Variants in SV2C observed in about 807,000 individuals in gnomAD.
SV2C encodes the protein solute carrier family 22 member B3.
Under a neutral mutation model 79.7 loss-of-function variants are expected in SV2C, and 49 were observed. That is an observed-to-expected ratio of 0.61 (90% CI 0.49 to 0.78). The LOEUF is 0.78. SV2C is among the 30% of genes least tolerant of loss of function. The probability of loss-of-function intolerance (pLI) is 0.00; values close to 1 mark genes in which losing one functional copy is unlikely to be tolerated. For synonymous variants in SV2C, 334 were observed against 333.2 expected (o/e 1.00, Z -0.03); for missense variants, 833 against 912.9 (o/e 0.91, Z 1.13).
intron 12 of SV2C, among the ~76,000 whole-genome samples, chr5:76,340,741 A>G (rs1257424781): frequency 6.6e-6 from 1 of 152,148 alleles, no homozygotes; most frequent in Non-Finnish European, 1.5e-5. Flanking sequence ...AACTACTAAG[A>G]TTGCAAATTT....
At chr5:75,916,391 C>T in the SV2C span, among the ~76,000 whole-genome samples, 1 of 142,150 alleles carries the variant, frequency 7.0e-6, no homozygotes, top group Non-Finnish European at 1.5e-5. Flanking sequence ...TCCCCTTCCC[C>T]TTCCCCTTCC....
At chr5:75,969,026 T>A in the SV2C span, among the ~76,000 whole-genome samples, 3 of 152,200 alleles carry the variant, frequency 2.0e-5, no homozygotes, top group Non-Finnish European at 2.9e-5. Context: ...ATATTCAACA[T>A]TCTTAAACAA....
At chr5:76,090,732 C>T (rs912164699) in intron 1 of SV2C, among the ~76,000 whole-genome samples, 2 of 152,168 alleles carry the variant, frequency 1.3e-5, no homozygotes, top group African/African-American at 4.8e-5. Flanking sequence ...TTCTAAGATG[C>T]TATCTCTTCC....
At chr5:75,873,702 G>C in the SV2C span, among the ~76,000 whole-genome samples, 1 of 151,940 alleles carries the variant, frequency 6.6e-6, no homozygotes, top group Non-Finnish European at 1.5e-5. Context: ...AATTGTTTTT[G>C]TGCAACTAGA....
chr5:75,901,898 C>T, the SV2C span, among the ~76,000 whole-genome samples: 7,657 of 152,246 alleles, frequency 0.05, 624 homozygotes, highest in African/African-American at 0.17. Flanking sequence ...AAGCCAGGTG[C>T]GGGATATAAT....
intron 3 of SV2C, among the ~76,000 whole-genome samples, chr5:76,209,339 G>A (rs1273040255): frequency 6.6e-6 from 1 of 152,158 alleles, no homozygotes; most frequent in Non-Finnish European, 1.5e-5. Context: ...ATGGGACATG[G>A]CACAGCATCA....
intron 10 of SV2C, among the ~76,000 whole-genome samples, chr5:76,300,236 A>T (rs1029148813): frequency 4.7e-5 from 7 of 150,372 alleles, no homozygotes; most frequent in Non-Finnish European, 1.0e-4. Context: ...GCTAGTCTTG[A>T]ACTCCTGGCT....
chr5:76,113,541 C>G (rs1748162304), intron 1 of SV2C, among the ~76,000 whole-genome samples: 1 of 152,212 alleles, frequency 6.6e-6, no homozygotes, highest in Non-Finnish European at 1.5e-5. Context: ...ATTCTGACTT[C>G]CCTTGTGACT....
chr5:76,188,898 T>A (rs187492573), intron 2 of SV2C, among the ~76,000 whole-genome samples: 3 of 151,894 alleles, frequency 2.0e-5, no homozygotes, highest in Non-Finnish European at 4.4e-5. Flanking sequence ...GCCAACCATT[T>A]TGGGGTTCCA....
At chr5:76,285,417 A>G in intron 5 of SV2C, 122 bp downstream of exon 5, 1 of 1,409,984 alleles carries the variant, frequency 7.1e-7, no homozygotes. Flanking sequence ...TTATAGAATG[A>G]TGGAGGGTTT....
At chr5:76,062,608 G>T in the SV2C span, among the ~76,000 whole-genome samples, 144 of 151,442 alleles carry the variant, frequency 9.5e-4, 1 homozygote, top group African/African-American at 3.1e-3. Flanking sequence ...TCGATATCAG[G>T]GTTTGGTTGT....
At chr5:75,991,584 TAC>T in the SV2C span, among the ~76,000 whole-genome samples, 6 of 79,972 alleles carry the variant, frequency 7.5e-5, no homozygotes, top group Admixed American at 1.3e-4. Flanking sequence ...TATATATATA[TAC>T]ACACATATAT....
rs1423099 is a variant in SV2C at position 76,131,693 on chromosome 5, C to T, written c.-58C>T. On this transcript the variant is annotated 5_prime_UTR_variant, in exon 2 of 13. Coordinates refer to ENST00000502798, the MANE Select transcript of SV2C (RefSeq NM_014979.4). ...GTGGATGATGCTGTCAGAGCTGAAC[C>T]ACTGAAAGGAGGCTGTGAAAATTTC... The T allele has an allele frequency of 0.7, 1,021,067 of 1,459,018 alleles. 373,495 individuals carry two copies. Among genetic ancestry groups the T allele is most frequent in the Non-Finnish European group, 0.76 (820,762 of 1,075,244 alleles). The allele number at this position is 1,459,018 out of a possible 1,614,324, so 90.4% of individuals were successfully genotyped here.
chr5:75,970,101 A>C, the SV2C span, among the ~76,000 whole-genome samples: 1 of 152,158 alleles, frequency 6.6e-6, no homozygotes, highest in Non-Finnish European at 1.5e-5. Context: ...TGAAGGCAGA[A>C]ATAAAGATGT....
intron 1 of SV2C, among the ~76,000 whole-genome samples, chr5:76,108,156 G>A (rs549347806): frequency 9.0e-4 from 137 of 152,332 alleles, no homozygotes; most frequent in African/African-American, 3.1e-3. Flanking sequence ...TTGACAGAGA[G>A]TGGGGAATCA....
the SV2C span, among the ~76,000 whole-genome samples, chr5:75,981,806 A>C: frequency 2.0e-5 from 3 of 152,138 alleles, no homozygotes; most frequent in Non-Finnish European, 4.4e-5. Context: ...ACATAGGCAC[A>C]GGCAAAGATT....
the SV2C span, among the ~76,000 whole-genome samples, chr5:75,884,149 A>C: frequency 6.6e-6 from 1 of 152,154 alleles, no homozygotes; most frequent in Non-Finnish European, 1.5e-5. Context: ...TAACCCTGTG[A>C]ACTAACCATG....
At chr5:76,145,725 CCCTTT>C (rs1395605733) in intron 2 of SV2C, among the ~76,000 whole-genome samples, 1 of 152,192 alleles carries the variant, frequency 6.6e-6, no homozygotes, top group Admixed American at 6.5e-5. Context: ...GGTCCTTTTA[CCCTTT>C]CCTAATGACT....
At chr5:76,037,297 T>A in the SV2C span, among the ~76,000 whole-genome samples, 275 of 152,386 alleles carry the variant, frequency 1.8e-3, 1 homozygote, top group Middle Eastern at 3.4e-3. Context: ...AGGAACTTCG[T>A]TCCTTTGGAG....
Sources: allele counts gnomAD v4.1 joint callset (sites outside exome capture counted in the v4.1 genomes callset), GRCh38; gene constraint gnomAD v4.1.1; transcripts MANE v1.5; gene names NCBI Gene and HGNC (gene_info 2026-07-23, HGNC 2026-07-21).